Variants in POLK observed in about 807,000 individuals in gnomAD.
The protein encoded by POLK is polymerase (DNA directed) kappa.
Under a neutral mutation model 94.0 loss-of-function variants are expected in POLK, and 76 were observed. The ratio of observed to expected loss-of-function variants is 0.81; its 90% confidence interval spans 0.67 to 0.98. The LOEUF (loss-of-function observed/expected upper bound fraction) is 0.98. Ranked by LOEUF, POLK falls within the 50% of genes least tolerant of loss-of-function variation. POLK has a pLI of 0.00. For missense variants in POLK, 954 were observed against 1,010.1 expected, an observed-to-expected ratio of 0.94 and a Z score of 0.75; for synonymous variants, 349 against 325.4, an observed-to-expected ratio of 1.07 and a Z score of -0.78.
chr5:75,568,862 G>A (rs889102603), intron 3 of POLK: 1 of 217,882 alleles, frequency 4.6e-6, no homozygotes, highest in African/African-American at 2.4e-5. Context: ...AATGTCAGTT[G>A]TTTATTTTAC....
intron 10 of POLK, among the ~76,000 whole-genome samples, chr5:75,587,754 C>T (rs1772547230): frequency 1.3e-5 from 2 of 152,140 alleles, no homozygotes; most frequent in African/African-American, 4.8e-5. Context: ...AACCCTGACT[C>T]TACTAAAAAT....
At chr5:75,604,241 A>T (rs1773364855), downstream of POLK, among the ~76,000 whole-genome samples, 2 of 152,170 alleles carry the variant, frequency 1.3e-5, no homozygotes, top group Admixed American at 6.5e-5. Flanking sequence ...TACATGTTTT[A>T]TTATTATACT....
At position 75,571,472 on chromosome 5, in the gene POLK, G is replaced by A. The variant is rs1195186663; in HGVS notation, c.408+1980G>A. 2.6e-5 allele frequency among the ~76,000 whole-genome samples: 4 copies of A among 152,134 alleles called. No individual in the cohort carries two copies. The East Asian group carries it at 7.7e-4, about 29-fold the overall frequency. On this transcript the variant is annotated intron_variant, in intron 4 of 14. Coordinates refer to ENST00000241436, the Ensembl canonical transcript of POLK. ...CATGATTCTGTAATTTGAGCAGAGT[G>A]CGATGGCGATGGCTCAACCTTGCTC...
chr5:75,587,404 A>G (rs1296034111), intron 10 of POLK, among the ~76,000 whole-genome samples: 2 of 152,212 alleles, frequency 1.3e-5, no homozygotes, highest in African/African-American at 2.4e-5. Flanking sequence ...AATTCTTCCT[A>G]AAATTCTTTC....
At chr5:75,533,748 G>A (rs1769301578) in intron 1 of POLK, among the ~76,000 whole-genome samples, 1 of 152,130 alleles carries the variant, frequency 6.6e-6, no homozygotes, top group East Asian at 1.9e-4. Flanking sequence ...ATTTGTTTGT[G>A]TTATCTCTGA....
At chr5:75,599,088 A>C (rs1312754653) in exon 15 of POLK, 2 of 145,378 alleles carry the variant, frequency 1.4e-5, no homozygotes, top group Non-Finnish European at 3.0e-5. Context: ...TAAAACGATA[A>C]AAAAAAAAAA....
chr5:75,511,272 AGT>A, upstream of POLK: 1 of 1,589,398 alleles, frequency 6.3e-7, no homozygotes, highest in Non-Finnish European at 8.6e-7. Flanking sequence ...GGAGGCGCCC[AGT>A]CCTCGGGGTG....
intron 1 of POLK, among the ~76,000 whole-genome samples, chr5:75,521,552 G>T (rs1321364855): frequency 6.6e-6 from 1 of 152,050 alleles, no homozygotes; most frequent in East Asian, 1.9e-4. Flanking sequence ...TTGTATTCAT[G>T]GTCCAAGAGC....
chr5:75,607,322 G>T, the POLK span, among the ~76,000 whole-genome samples: 1 of 152,184 alleles, frequency 6.6e-6, no homozygotes, highest in South Asian at 2.1e-4. Context: ...CAAAAAAGTA[G>T]CTGGGCGTGG....
chr5:75,607,879 G>A, the POLK span, among the ~76,000 whole-genome samples: 1 of 152,212 alleles, frequency 6.6e-6, no homozygotes, highest in Non-Finnish European at 1.5e-5. Flanking sequence ...TCTATTCAAT[G>A]TAGGGAGGGC....
intron 1 of POLK, among the ~76,000 whole-genome samples, chr5:75,521,433 T>C (rs1231862401): frequency 6.6e-6 from 1 of 152,200 alleles, no homozygotes; most frequent in Non-Finnish European, 1.5e-5. Flanking sequence ...TCCACCAAGA[T>C]TTGTTTGATT....
chr5:75,604,628 C>G (rs528960442), downstream of POLK, among the ~76,000 whole-genome samples: 4 of 152,168 alleles, frequency 2.6e-5, no homozygotes, highest in Non-Finnish European at 4.4e-5. Context: ...CCTCCTTCCT[C>G]AGTCTCCCAA....
chr5:75,520,597 T>C (rs1204921813), intron 1 of POLK, among the ~76,000 whole-genome samples: 1 of 152,176 alleles, frequency 6.6e-6, no homozygotes, highest in African/African-American at 2.4e-5. Context: ...TAAGGTCTTA[T>C]GATGTTGCCC....
intron 5 of POLK, among the ~76,000 whole-genome samples, chr5:75,575,079 A>G (rs1457667809): frequency 2.0e-5 from 3 of 152,218 alleles, no homozygotes; most frequent in Non-Finnish European, 4.4e-5. Context: ...GTTTATATGC[A>G]GATAACAAAT....
At chr5:75,531,335 C>T (rs957084639) in intron 1 of POLK, among the ~76,000 whole-genome samples, 3 of 149,586 alleles carry the variant, frequency 2.0e-5, no homozygotes, top group African/African-American at 7.4e-5. Context: ...TAGTATATAG[C>T]TATTTACACC....
chr5:75,596,704 A>G (rs776035355), exon 13 of POLK: 2 of 1,614,026 alleles, frequency 1.2e-6, no homozygotes, highest in Non-Finnish European at 1.7e-6. Context: ...CAAAGTTAAC[A>G]AGAAAGAAAA....
At chr5:75,570,670 A>G (rs1771542082) in intron 4 of POLK, among the ~76,000 whole-genome samples, 1 of 152,214 alleles carries the variant, frequency 6.6e-6, no homozygotes. Context: ...TAGAAGAACC[A>G]GGATAGCTAT....
chr5:75,571,539 T>C (rs987733083), intron 4 of POLK, among the ~76,000 whole-genome samples: 1 of 152,124 alleles, frequency 6.6e-6, no homozygotes, highest in Non-Finnish European at 1.5e-5. Context: ...GGCTAAAAAA[T>C]CCAAGGTGGC....
chr5:75,565,197 CCG>C (rs1771206241), intron 3 of POLK, among the ~76,000 whole-genome samples: 1 of 152,002 alleles, frequency 6.6e-6, no homozygotes, highest in African/African-American at 2.4e-5. Context: ...TGTATGCTTC[CCG>C]AAGTTCTTGT....
Sources: allele counts gnomAD v4.1 joint callset (sites outside exome capture counted in the v4.1 genomes callset), GRCh38; gene constraint gnomAD v4.1.1; transcripts MANE v1.5; gene names NCBI Gene and HGNC (gene_info 2026-07-23, HGNC 2026-07-21).